Variants in SNTB1 observed in about 807,000 individuals in gnomAD.
SNTB1 encodes syntrophin beta 1, also known as beta-1-syntrophin.
A neutral mutation model predicts 48.9 loss-of-function variants in SNTB1; 36 were observed. The observed-to-expected ratio is 0.74, with a 90% CI of 0.56 to 0.97. The LOEUF (loss-of-function observed/expected upper bound fraction) is 0.97, where lower values mean the gene tolerates loss of function less well. Among genes scored for constraint, SNTB1 ranks in the 50% least tolerant of loss-of-function variants. The probability of loss-of-function intolerance (pLI) is 0.00; values close to 1 mark genes in which losing one functional copy is unlikely to be tolerated. For missense variants in SNTB1, 786 were observed against 703.4 expected, an observed-to-expected ratio of 1.12 and a Z score of -1.33; for synonymous variants, 299 against 294.6, an observed-to-expected ratio of 1.01 and a Z score of -0.15.
intron 3 of SNTB1, among the ~76,000 whole-genome samples, chr8:120,621,472 G>C (rs1482002315): frequency 6.6e-6 from 1 of 152,170 alleles, no homozygotes; most frequent in African/African-American, 2.4e-5. Context: ...GAAAGTGGAG[G>C]GGTAGGGAAG....
chr8:120,767,831 T>C (rs59370568), intron 1 of SNTB1, among the ~76,000 whole-genome samples: 5,882 of 152,256 alleles, frequency 0.039, 380 homozygotes, highest in African/African-American at 0.13. Flanking sequence ...ATTAATATAC[T>C]GGTAACTGCC....
rs1052602662 is a variant in SNTB1 at position 120,812,046 on chromosome 8, T to C, written c.-203A>G. 202 of 1,250,742 alleles carry C rather than the reference T, an allele frequency of 1.6e-4. 1 individual carries two copies. The highest frequency in any genetic ancestry group is 4.3e-4 in the Admixed American group (10 of 23,146). 77.5% of individuals were successfully genotyped at this position (1,250,742 alleles called of 1,614,324 possible). A position where few individuals can be genotyped will look rare whatever the true frequency, so the allele number is the denominator to read the frequency against. ...GCACTCAGGCTGGTTCCCCCTCGCC[T>C]GATCCTGACCGGGGTGGAGCAACCT... On this transcript the variant is annotated 5_prime_UTR_variant, in exon 1 of 7. Transcript: ENST00000517992.
chr8:120,548,022 T>C (rs1272392538), intron 5 of SNTB1, among the ~76,000 whole-genome samples: 1 of 152,120 alleles, frequency 6.6e-6, no homozygotes, highest in African/African-American at 2.4e-5. Flanking sequence ...GTTTGGGTCT[T>C]GGGGGCGGAT....
chr8:120,573,822 C>A (rs1250969343), intron 4 of SNTB1, among the ~76,000 whole-genome samples: 1 of 152,160 alleles, frequency 6.6e-6, no homozygotes, highest in Non-Finnish European at 1.5e-5. Context: ...GCACCCTTGT[C>A]AACAATCAGA....
At chr8:120,584,062 C>CTTG (rs1816093497) in intron 3 of SNTB1, among the ~76,000 whole-genome samples, 1 of 152,092 alleles carries the variant, frequency 6.6e-6, no homozygotes. Flanking sequence ...GCTTGTAAGC[C>CTTG]CAACACCTTG....
chr8:120,663,021 T>C (rs111438248), intron 2 of SNTB1, among the ~76,000 whole-genome samples: 4 of 100 alleles, frequency 0.04, no homozygotes, highest in Admixed American at 0.12. Flanking sequence ...GTGGGGGGGC[T>C]GGTGGGGGGG....
Position 120,538,737 on chromosome 8 carries a change from A to G in SNTB1, c.*140T>C. ...TGAAACTGACAGAGGAGTCTGGGAC[A>G]GTTACATACGACTCTTGAGAGCTAA... is the stretch of plus-strand genomic sequence containing the variant. On this transcript the variant is annotated 3_prime_UTR_variant, in exon 7 of 7. Coordinates refer to ENST00000517992, the MANE Select transcript of SNTB1 (RefSeq NM_021021.4). 1 of 749,436 alleles carries G rather than the reference A, an allele frequency of 1.3e-6. No individual in the cohort carries two copies. The highest frequency in any genetic ancestry group is 1.7e-5 in the African/African-American group (1 of 58,388). 46.4% of individuals were successfully genotyped at this position (749,436 alleles called of 1,614,324 possible). A position where few individuals can be genotyped will look rare whatever the true frequency, so the allele number is the denominator to read the frequency against.
intron 3 of SNTB1, among the ~76,000 whole-genome samples, chr8:120,581,518 C>T (rs190227453): frequency 1.5e-3 from 227 of 152,136 alleles, no homozygotes; most frequent in Non-Finnish European, 2.5e-3. Context: ...GCATGAGAAT[C>T]GCTTGAACCT....
chr8:120,576,933 G>A (rs140181181), intron 3 of SNTB1, among the ~76,000 whole-genome samples: 1 of 152,312 alleles, frequency 6.6e-6, no homozygotes, highest in Non-Finnish European at 1.5e-5. Context: ...TGTGTGTAAT[G>A]TGTTTGGCAT....
At chr8:120,542,794 A>G (rs151087133) in intron 5 of SNTB1, among the ~76,000 whole-genome samples, 1,576 of 152,280 alleles carry the variant, frequency 0.01, 27 homozygotes, top group African/African-American at 0.035. Flanking sequence ...TGACATCAAA[A>G]TTAACTAACG....
chr8:120,676,439 A>G (rs1817835356), intron 2 of SNTB1, among the ~76,000 whole-genome samples: 1 of 152,208 alleles, frequency 6.6e-6, no homozygotes, highest in African/African-American at 2.4e-5. Context: ...TCACAAAGAG[A>G]CAGGATTCAA....
At chr8:120,756,692 A>T (rs1031111735) in intron 1 of SNTB1, among the ~76,000 whole-genome samples, 1 of 152,134 alleles carries the variant, frequency 6.6e-6, no homozygotes, top group African/African-American at 2.4e-5. Flanking sequence ...ATACCCTCTA[A>T]TAGCTGACCT....
At chr8:120,542,661 A>T (rs575490475) in intron 5 of SNTB1, among the ~76,000 whole-genome samples, 29 of 151,560 alleles carry the variant, frequency 1.9e-4, no homozygotes, top group Non-Finnish European at 2.7e-4. Flanking sequence ...CTCAAAAAAA[A>T]TTTTTTTTTA....
At chr8:120,663,011 G>A (rs1244975895) in intron 2 of SNTB1, among the ~76,000 whole-genome samples, 2 of 96,756 alleles carry the variant, frequency 2.1e-5, no homozygotes, top group South Asian at 1.0e-3. Flanking sequence ...GTGTGTGGGG[G>A]TGGGGGGGCT....
chr8:120,545,615 C>T (rs1815368545), intron 5 of SNTB1, among the ~76,000 whole-genome samples: 1 of 152,090 alleles, frequency 6.6e-6, no homozygotes, highest in Non-Finnish European at 1.5e-5. Flanking sequence ...CTTAAGATGT[C>T]TTGTGGGAAA....
chr8:120,754,871 T>C (rs1211392778), intron 1 of SNTB1, among the ~76,000 whole-genome samples: 2 of 152,110 alleles, frequency 1.3e-5, no homozygotes, highest in South Asian at 2.1e-4. Flanking sequence ...ATTTAATACA[T>C]TATGGACTGT....
intron 5 of SNTB1, among the ~76,000 whole-genome samples, chr8:120,544,231 T>C (rs1273515197): frequency 6.6e-6 from 1 of 152,236 alleles, no homozygotes; most frequent in Non-Finnish European, 1.5e-5. Flanking sequence ...GTGATTACTT[T>C]TAATTCTAGT....
At position 120,742,943 on chromosome 8, in the gene SNTB1, G is replaced by A. The variant is rs184975142; in HGVS notation, c.572-49035C>T. ...TGGGGACCAGCATAAAGCCAGATAC[G>A]AATTTCAAAAATTCATATTTTTGAA... On this transcript the variant is annotated intron_variant, in intron 1 of 6. Transcript: ENST00000517992. 7.2e-5 allele frequency among the ~76,000 whole-genome samples: 11 copies of A among 152,204 alleles called. No individual in the cohort carries two copies. In the East Asian group the frequency reaches 1.7e-3, roughly 24 times the overall value.
At chr8:120,769,223 A>G (rs1011137829) in intron 1 of SNTB1, 3 of 150,904 alleles carry the variant, frequency 2.0e-5, no homozygotes, top group Non-Finnish European at 4.4e-5. Context: ...TTTAGCACCA[A>G]TAGAGTTGAT....
Sources: gnomAD v4.1 joint callset for allele counts (sites outside exome capture counted in the v4.1 genomes callset) on GRCh38, gnomAD v4.1.1 for gene constraint, MANE v1.5 for transcripts, NCBI Gene and HGNC (gene_info 2026-07-23, HGNC 2026-07-21) for gene names.